ADAM12: variants seen among roughly 807,000 people sequenced by gnomAD.
ADAM12 encodes the protein ADAM metallopeptidase domain 12, also known as disintegrin and metalloproteinase domain-containing protein 12.
ADAM12 carries 70 observed loss-of-function variants against 106.4 expected under a neutral mutation model. The observed-to-expected ratio is 0.66, with a 90% CI of 0.54 to 0.80. The LOEUF (loss-of-function observed/expected upper bound fraction) is 0.80, where lower values mean the gene tolerates loss of function less well. ADAM12 is among the 30% of genes least tolerant of loss of function. The probability of loss-of-function intolerance (pLI) is 0.00; values close to 1 mark genes in which losing one functional copy is unlikely to be tolerated. For missense variants in ADAM12, 1,010 were observed against 1,171.9 expected (o/e 0.86, Z 2.02); for synonymous variants, 420 against 433.5 (o/e 0.97, Z 0.39).
chr10:126,189,093 T>TG (rs1438282927), intron 3 of ADAM12, among the ~76,000 whole-genome samples: 3 of 152,102 alleles, frequency 2.0e-5, no homozygotes. Flanking sequence ...GGGAGACAAA[T>TG]GCAGATACAA....
rs1428503646 is a variant in ADAM12, at chr10:126,016,110, A to T, written c.*1169T>A. On this transcript the variant is annotated 3_prime_UTR_variant, in exon 23 of 23. Transcript: ENST00000448723. ...ATTCCTGCAGCCAAGTTGGAAAAAG[A>T]GGATGCCCCATAGAGAAGGTTCTTT... 2.6e-5 allele frequency: 4 copies of T among 152,224 alleles called. No individual in the cohort carries two copies. Among genetic ancestry groups the T allele is most frequent in the Admixed American group, 1.3e-4 (2 of 15,284 alleles). The allele number at this position is 152,224 out of a possible 1,614,324, so 9.4% of individuals were successfully genotyped here.
intron 1 of ADAM12, among the ~76,000 whole-genome samples, chr10:126,337,590 G>T (rs1308344421): frequency 6.6e-6 from 1 of 152,178 alleles, no homozygotes; most frequent in Non-Finnish European, 1.5e-5. Flanking sequence ...CCTGGGAAAG[G>T]GCGGGTCTTC....
At chr10:126,314,994 G>T (rs1853807471) in intron 2 of ADAM12, among the ~76,000 whole-genome samples, 1 of 152,118 alleles carries the variant, frequency 6.6e-6, no homozygotes, top group African/African-American at 2.4e-5. Context: ...TTCTCATTTG[G>T]GCCTGAGATG....
chr10:126,122,286 A>C (rs1169555448), intron 5 of ADAM12, among the ~76,000 whole-genome samples: 2 of 152,184 alleles, frequency 1.3e-5, no homozygotes, highest in African/African-American at 4.8e-5. Context: ...ACTGGTGTCC[A>C]CGTATATCAC....
At chr10:126,283,994 G>A (rs768425961) in intron 2 of ADAM12, among the ~76,000 whole-genome samples, 2 of 152,130 alleles carry the variant, frequency 1.3e-5, no homozygotes, top group Non-Finnish European at 2.9e-5. Context: ...CTCTACTTTA[G>A]AGAAAATGTG....
intron 2 of ADAM12, among the ~76,000 whole-genome samples, chr10:126,296,410 C>T (rs1417191494): frequency 1.3e-5 from 2 of 152,204 alleles, no homozygotes; most frequent in South Asian, 2.1e-4. Context: ...ACTAGGATTA[C>T]AGGTGTGAGC....
intron 14 of ADAM12, among the ~76,000 whole-genome samples, chr10:126,055,766 A>T (rs1710291): frequency 0.71 from 108,166 of 151,422 alleles, 40,230 homozygotes; most frequent in East Asian, 0.93. Flanking sequence ...TGGAGTCAAC[A>T]ACTTCTTCAC....
Position 126,165,466 on chromosome 10 carries a change from C to T in ADAM12, c.261-10161G>A, listed in dbSNP as rs187156263. Among the ~76,000 whole-genome samples, 862 of 152,328 alleles carry T rather than the reference C, an allele frequency of 5.7e-3. 4 individuals are homozygous for T. Among genetic ancestry groups the T allele is most frequent in the Non-Finnish European group, 9.9e-3 (673 of 68,020 alleles). On this transcript the variant is annotated intron_variant, in intron 3 of 22. Transcript: ENST00000448723. The stretch of plus-strand genomic sequence containing the variant: ...GCCACGGTGCCCAGCCGGGGGCATT[C>T]GCTTTTGATACGCACTTCCTTACTT...
intron 5 of ADAM12, among the ~76,000 whole-genome samples, chr10:126,135,036 C>T (rs962695786): frequency 6.6e-6 from 1 of 152,208 alleles, no homozygotes; most frequent in Non-Finnish European, 1.5e-5. Flanking sequence ...TGAGTAACAC[C>T]TGGGGTTGAC....
chr10:126,250,979 C>G (rs1304416651), intron 3 of ADAM12, among the ~76,000 whole-genome samples: 1 of 152,202 alleles, frequency 6.6e-6, no homozygotes, highest in East Asian at 1.9e-4. Context: ...ATGTACTAGG[C>G]ATGGTGCTAA....
chr10:126,229,366 A>C (rs1958263291), intron 3 of ADAM12, among the ~76,000 whole-genome samples: 1 of 152,222 alleles, frequency 6.6e-6, no homozygotes, highest in South Asian at 2.1e-4. Context: ...TTGTCTGGGC[A>C]TGGCAGTTCT....
intron 3 of ADAM12, among the ~76,000 whole-genome samples, chr10:126,206,853 G>A (rs956754980): frequency 7.9e-6 from 1 of 126,030 alleles, no homozygotes; most frequent in African/African-American, 3.5e-5. Context: ...CCCATGTGTT[G>A]TGGGGGCGGG....
At chr10:126,301,197 C>A (rs11244942) in intron 2 of ADAM12, among the ~76,000 whole-genome samples, 1 of 152,102 alleles carries the variant, frequency 6.6e-6, no homozygotes, top group African/African-American at 2.4e-5. Flanking sequence ...ACAGTGTCAT[C>A]GCTAAGAAAC....
intron 10 of ADAM12, among the ~76,000 whole-genome samples, chr10:126,095,813 T>C (rs139500051): frequency 6.6e-6 from 1 of 152,152 alleles, no homozygotes; most frequent in Non-Finnish European, 1.5e-5. Context: ...TCTGTAACTG[T>C]AAGAAATAAA....
chr10:126,315,908 T>G (rs1055950788), intron 2 of ADAM12, among the ~76,000 whole-genome samples: 2 of 152,176 alleles, frequency 1.3e-5, no homozygotes, highest in African/African-American at 4.8e-5. Context: ...CTCCCAGCGA[T>G]CCGATGCATT....
chr10:126,155,398 G>T (rs1268472910), intron 3 of ADAM12, 93 bp from the exon 4 acceptor site: 1 of 1,146,550 alleles, frequency 8.7e-7, no homozygotes. Context: ...GCAAGATTGT[G>T]ACCTCCTTTT....
intron 3 of ADAM12, among the ~76,000 whole-genome samples, chr10:126,159,117 G>C (rs1956886125): frequency 6.6e-6 from 1 of 152,040 alleles, no homozygotes; most frequent in Admixed American, 6.5e-5. Flanking sequence ...AGACCATTCT[G>C]GCTAATACGG....
rs531153270 is a variant in ADAM12, at chr10:126,254,206, C to A, written c.260+24709G>T. Among the ~76,000 whole-genome samples, 31 of 152,318 alleles carry A rather than the reference C, an allele frequency of 2.0e-4. No individual in the cohort carries two copies. In the South Asian group the frequency reaches 6.0e-3, roughly 30 times the overall value. ...GGGTCTGCAGGCAGCCTCCCTGGGTCTGCAGCCAGCTCTGGCACCTATCAG... is the reference window on the plus strand; with the variant it reads ...GGGTCTGCAGGCAGCCTCCCTGGGTATGCAGCCAGCTCTGGCACCTATCAG... On this transcript the variant is annotated intron_variant, in intron 3 of 22. Transcript: ENST00000448723.
At chr10:126,032,940 A>G (rs1261354554) in intron 21 of ADAM12, among the ~76,000 whole-genome samples, 1 of 152,248 alleles carries the variant, frequency 6.6e-6, no homozygotes, top group Non-Finnish European at 1.5e-5. Flanking sequence ...TTCACAAAAG[A>G]AAAATTCAAT....
Sources: gnomAD v4.1 joint callset for allele counts (sites outside exome capture counted in the v4.1 genomes callset) on GRCh38, gnomAD v4.1.1 for gene constraint, MANE v1.5 for transcripts, NCBI Gene and HGNC (gene_info 2026-07-23, HGNC 2026-07-21) for gene names.